The following SPATC1 variants were observed in gnomAD, a reference collection of about 807,000 sequenced individuals.
The protein encoded by SPATC1 is speriolin.
In SPATC1, 35 loss-of-function variants were observed where a neutral mutation model predicts 36.5. The ratio of observed to expected loss-of-function variants is 0.96; its 90% CI spans 0.73 to 1.27. The LOEUF (loss-of-function observed/expected upper bound fraction) is 1.27. SPATC1 is among the 50% of genes most tolerant of loss of function. The probability of loss-of-function intolerance (pLI) is 0.00; values close to 1 mark genes in which losing one functional copy is unlikely to be tolerated. For missense variants in SPATC1, 779 were observed against 796.0 expected (o/e 0.98, Z 0.26); for synonymous variants, 361 against 353.6 (o/e 1.02, Z -0.24).
At chr8:144,035,927 A>G (rs1158090696) in intron 1 of SPATC1, among the ~76,000 whole-genome samples, 1 of 152,184 alleles carries the variant, frequency 6.6e-6, no homozygotes, top group Admixed American at 6.5e-5. Context: ...GAGGCCAAGC[A>G]GGACAGACAG....
At chr8:144,013,943 G>A (rs1023199785) in intron 1 of SPATC1, among the ~76,000 whole-genome samples, 5 of 152,078 alleles carry the variant, frequency 3.3e-5, no homozygotes, top group African/African-American at 7.2e-5. Context: ...TCAACAGAGC[G>A]AGACTCCATC....
In SPATC1 at chr8:144,041,193, C is replaced by T. The variant is rs782505768; in HGVS notation, c.1307-39C>T. ...CTGGGCTGCTGAGCCCAGCTCCTCT[C>T]ACCCTCTCACCTGGGCTGACGAGAC... On this transcript the variant is annotated intron_variant, in intron 3 of 4. Transcript: ENST00000377470. 5 of 1,610,356 alleles carry T rather than the reference C, an allele frequency of 3.1e-6. No individual in the cohort carries two copies. The South Asian group carries it at 5.5e-5, about 18-fold the overall frequency.
chr8:144,020,500 C>T (rs900099992), intron 1 of SPATC1, among the ~76,000 whole-genome samples: 3 of 138,422 alleles, frequency 2.2e-5, no homozygotes, highest in Non-Finnish European at 4.7e-5. Context: ...TGAGGAACCC[C>T]TCACATCAGG....
intron 1 of SPATC1, among the ~76,000 whole-genome samples, chr8:144,032,065 C>G (rs1295851467): frequency 6.6e-6 from 1 of 151,828 alleles, no homozygotes; most frequent in Non-Finnish European, 1.5e-5. Flanking sequence ...TCTTTATCGT[C>G]TCTCTTTCTC....
intron 1 of SPATC1, among the ~76,000 whole-genome samples, chr8:144,024,749 C>T (rs1834638550): frequency 7.1e-6 from 1 of 141,754 alleles, no homozygotes; most frequent in Non-Finnish European, 1.5e-5. Context: ...CCTGAAAACC[C>T]TCCTTCCCTC....
chr8:144,023,045 ACCCTCCCACCTCAGGT>A (rs1587496558), intron 1 of SPATC1, among the ~76,000 whole-genome samples: 2 of 143,632 alleles, frequency 1.4e-5, no homozygotes, highest in African/African-American at 2.6e-5. Flanking sequence ...GTCCCTCAGG[ACCCTCCCACCTCAGGT>A]CCCTCTCCCC....
chr8:144,027,441 T>A (rs1198455375), intron 1 of SPATC1, among the ~76,000 whole-genome samples: 1 of 152,230 alleles, frequency 6.6e-6, no homozygotes, highest in Admixed American at 6.5e-5. Context: ...TAGAAGCTTT[T>A]GATTTTGATG....
chr8:144,044,551 G>A (rs530557375), intron 4 of SPATC1, among the ~76,000 whole-genome samples: 9 of 149,172 alleles, frequency 6.0e-5, no homozygotes, highest in African/African-American at 1.2e-4. Flanking sequence ...CTCGTGATCC[G>A]CCCGCCTCAG....
At chr8:144,025,182 C>A (rs1834651507) in intron 1 of SPATC1, among the ~76,000 whole-genome samples, 1 of 151,104 alleles carries the variant, frequency 6.6e-6, no homozygotes, top group Non-Finnish European at 1.5e-5. Flanking sequence ...CCTTTCTCCT[C>A]AGGGCCCTCT....
chr8:144,013,057 A>G (rs1554752683), intron 1 of SPATC1, among the ~76,000 whole-genome samples: 1 of 151,974 alleles, frequency 6.6e-6, no homozygotes, highest in Non-Finnish European at 1.5e-5. Context: ...CCTTCCCTGA[A>G]AGGACACCTC....
intron 1 of SPATC1, among the ~76,000 whole-genome samples, chr8:144,037,210 C>T (rs1310612081): frequency 2.7e-5 from 4 of 145,592 alleles, no homozygotes; most frequent in African/African-American, 7.6e-5. Context: ...GTCAGCCCCC[C>T]GCCCAGCCGG....
At position 144,039,982 on chromosome 8, in the gene SPATC1, A is replaced by C. The variant is rs1300829737; in HGVS notation, c.285A>C (p.Ala95=). The C allele has an allele frequency of 6.2e-7, 1 of 1,613,778 alleles. No homozygotes were observed. Among genetic ancestry groups the C allele is most frequent in the Non-Finnish European group, 8.5e-7 (1 of 1,179,964 alleles). Reference sequence around the variant, plus strand: ...AAGAAGTGGGGATCATGGCCTTGGCACCCCTGGCCGAGATGCTAACCAGCT... The same window carrying C: ...AAGAAGTGGGGATCATGGCCTTGGCCCCCCTGGCCGAGATGCTAACCAGCT... ...VLEEVGIMAL[A]PLAEMLTSLQ... Residue 95 remains alanine, a synonymous_variant, in exon 2 of 5, where the codon GCA becomes GCC. Coordinates refer to ENST00000377470, the MANE Select transcript of SPATC1 (RefSeq NM_198572.3).
intron 1 of SPATC1, among the ~76,000 whole-genome samples, chr8:144,015,981 G>A (rs1834381865): frequency 6.7e-6 from 1 of 150,044 alleles, no homozygotes; most frequent in East Asian, 2.0e-4. Flanking sequence ...AGAATGGCGT[G>A]AACCCGGGAG....
chr8:144,043,841 C>T (rs1295773047), intron 4 of SPATC1, among the ~76,000 whole-genome samples: 7 of 152,134 alleles, frequency 4.6e-5, no homozygotes, highest in African/African-American at 7.2e-5. Context: ...CCGTGGAGCC[C>T]GTCCGTGGCA....
intron 1 of SPATC1, 54 bp from the exon 2 acceptor site, chr8:144,039,855 G>A (rs1337870425): frequency 1.5e-5 from 23 of 1,555,356 alleles, no homozygotes; most frequent in South Asian, 4.8e-5. Context: ...GACCACCCTC[G>A]CCGTGGTCTG....
chr8:144,016,146 C>CT lies in SPATC1; in HGVS notation c.211+3422dup, dbSNP rs1834388258. On this transcript the variant is annotated intron_variant, in intron 1 of 4. Coordinates refer to ENST00000377470, the MANE Select transcript of SPATC1 (RefSeq NM_198572.3). The surrounding 1 kb of genome is among the most constrained non-coding windows in gnomAD (Gnocchi z 4.5). ...TGGCAGGTGCCTGTAATCCCAGCTA[C>CT]TTGGGAGGCTGAGGCAGGAGAATCG... Among the ~76,000 whole-genome samples the CT allele has an allele frequency of 6.6e-6, 1 of 151,856 alleles. No homozygotes were observed. Among genetic ancestry groups the CT allele is most frequent in the East Asian group, 1.9e-4 (1 of 5,180 alleles).
chr8:144,035,601 G>A (rs1049258277), intron 1 of SPATC1, among the ~76,000 whole-genome samples: 16 of 152,198 alleles, frequency 1.1e-4, no homozygotes, highest in Non-Finnish European at 1.5e-5. Flanking sequence ...ATCCAACTTG[G>A]TCGAAAAACA....
At chr8:144,024,549 C>T (rs1275836506) in intron 1 of SPATC1, among the ~76,000 whole-genome samples, 1 of 150,554 alleles carries the variant, frequency 6.6e-6, no homozygotes, top group East Asian at 2.0e-4. Context: ...GACCCTCTCC[C>T]CTCAAAACTC....
In SPATC1 at chr8:144,017,541, C is replaced by T. The variant is rs371711702; in HGVS notation, c.211+4815C>T. 2.6e-5 allele frequency among the ~76,000 whole-genome samples: 4 copies of T among 152,198 alleles called. No homozygotes were observed. The South Asian group carries it at 8.3e-4, about 32-fold the overall frequency. ...TGTTTATAAGCATGTGTACCAGGCT[C>T]CTCTCAGTGCAGGACAGAGCTCAGA... On this transcript the variant is annotated intron_variant, in intron 1 of 4. Coordinates refer to ENST00000377470, the MANE Select transcript of SPATC1 (RefSeq NM_198572.3).
Sources: gnomAD v4.1 joint callset for allele counts (sites outside exome capture counted in the v4.1 genomes callset) on GRCh38, gnomAD v4.1.1 for gene constraint, Gnocchi (gnomAD v3.1) non-coding constraint, MANE v1.5 for transcripts, NCBI Gene and HGNC (gene_info 2026-07-23, HGNC 2026-07-21) for gene names.